The following SUGCT variants were observed in gnomAD, a reference collection of about 807,000 sequenced individuals.
SUGCT encodes succinyl-CoA:glutarate CoA-transferase.
SUGCT carries 41 observed loss-of-function variants against 55.0 expected under a neutral mutation model. The ratio of observed to expected loss-of-function variants is 0.74; its 90% CI spans 0.58 to 0.97. The LOEUF (loss-of-function observed/expected upper bound fraction) is 0.97. Ranked by LOEUF, SUGCT falls within the 50% of genes least tolerant of loss-of-function variation. The pLI is 0.00. For missense variants in SUGCT, 568 were observed against 547.8 expected, an observed-to-expected ratio of 1.04 and a Z score of -0.37; for synonymous variants, 187 against 200.4, an observed-to-expected ratio of 0.93 and a Z score of 0.56.
intron 1 of SUGCT, among the ~76,000 whole-genome samples, chr7:40,149,746 C>A (rs376379991): frequency 5.8e-4 from 89 of 152,206 alleles, no homozygotes; most frequent in Middle Eastern, 3.4e-3. Context: ...GGTGAAACCC[C>A]ATCTCTACTA....
intron 12 of SUGCT, among the ~76,000 whole-genome samples, chr7:40,710,178 A>G (rs928938265): frequency 2.6e-5 from 4 of 152,126 alleles, no homozygotes; most frequent in Non-Finnish European, 5.9e-5. Flanking sequence ...GACTGCATCT[A>G]TCTCTGGGTT....
chr7:40,582,673 G>A (rs1488160186), intron 12 of SUGCT, among the ~76,000 whole-genome samples: 1 of 152,078 alleles, frequency 6.6e-6, no homozygotes, highest in Non-Finnish European at 1.5e-5. Flanking sequence ...TTAGGTTGCT[G>A]GTGCAGAGCA....
intron 12 of SUGCT, among the ~76,000 whole-genome samples, chr7:40,624,586 G>A (rs941937627): frequency 6.6e-6 from 1 of 152,162 alleles, no homozygotes; most frequent in African/African-American, 2.4e-5. Context: ...ATTAACTAAT[G>A]TGCTGATAAG....
At chr7:40,900,599 TG>T in the SUGCT span, among the ~76,000 whole-genome samples, 1 of 152,204 alleles carries the variant, frequency 6.6e-6, no homozygotes, top group Non-Finnish European at 1.5e-5. Context: ...TGCCCAAGCC[TG>T]GGCTGGGGAG....
At chr7:40,758,452 G>C (rs905600290) in intron 13 of SUGCT, among the ~76,000 whole-genome samples, 2 of 152,094 alleles carry the variant, frequency 1.3e-5, no homozygotes, top group African/African-American at 4.8e-5. Context: ...TTAAAAAGAT[G>C]TTGGTGGAGA....
At chr7:40,323,058 C>T (rs1008615227) in intron 9 of SUGCT, among the ~76,000 whole-genome samples, 1 of 152,084 alleles carries the variant, frequency 6.6e-6, no homozygotes, top group African/African-American at 2.4e-5. Context: ...ACCAGAACTC[C>T]AAACCTTTTG....
chr7:40,772,057 A>G (rs565868931), intron 13 of SUGCT, among the ~76,000 whole-genome samples: 23 of 152,106 alleles, frequency 1.5e-4, no homozygotes, highest in Non-Finnish European at 2.8e-4. Context: ...TCCAAGCATA[A>G]TTATTAATAG....
the SUGCT span, among the ~76,000 whole-genome samples, chr7:41,034,026 A>G: frequency 1.9e-4 from 29 of 152,346 alleles, no homozygotes; most frequent in African/African-American, 5.8e-4. Context: ...GAACCTATCA[A>G]TGTTGTCCGT....
At chr7:40,758,004 T>C (rs1057203686) in intron 13 of SUGCT, among the ~76,000 whole-genome samples, 3 of 152,164 alleles carry the variant, frequency 2.0e-5, no homozygotes, top group African/African-American at 7.2e-5. Flanking sequence ...AAAACAAATA[T>C]CTTACAATAG....
intron 13 of SUGCT, among the ~76,000 whole-genome samples, chr7:40,762,400 TA>T (rs1332462371): frequency 6.6e-6 from 1 of 152,144 alleles, no homozygotes; most frequent in African/African-American, 2.4e-5. Context: ...GTATGACTAG[TA>T]GCGGTGACAG....
intron 13 of SUGCT, among the ~76,000 whole-genome samples, chr7:40,772,823 C>T (rs1158995889): frequency 2.0e-5 from 3 of 152,024 alleles, no homozygotes; most frequent in African/African-American, 7.3e-5. Context: ...CAGAGTTTCA[C>T]CATGTAGCCC....
intron 6 of SUGCT, among the ~76,000 whole-genome samples, chr7:40,233,579 AT>A: frequency 6.6e-6 from 1 of 152,142 alleles, no homozygotes; most frequent in East Asian, 1.9e-4. Context: ...AAATATCTTA[AT>A]TTTTATGGTT....
intron 10 of SUGCT, 91 bp downstream of exon 10, chr7:40,449,449 T>C: frequency 1.2e-6 from 1 of 845,328 alleles, no homozygotes; most frequent in African/African-American, 1.7e-5. Context: ...TTAGGCCCCC[T>C]GTGTTAGCAA....
At chr7:40,934,607 C>G in the SUGCT span, among the ~76,000 whole-genome samples, 2 of 152,200 alleles carry the variant, frequency 1.3e-5, no homozygotes, top group South Asian at 2.1e-4. Flanking sequence ...CCATTTTGAG[C>G]TTTCTGGCCT....
chr7:40,439,064 GTATATATATATATATATATA>G (rs1183426693), intron 9 of SUGCT, among the ~76,000 whole-genome samples: 2 of 27,190 alleles, frequency 7.4e-5, no homozygotes, highest in South Asian at 9.6e-4. Flanking sequence ...TATATATGGT[GTATATATATATATATATATA>G]TATATATATA....
intron 1 of SUGCT, chr7:40,153,690 A>G: frequency 2.0e-6 from 1 of 508,678 alleles, no homozygotes; most frequent in Non-Finnish European, 4.0e-6. Flanking sequence ...TTTTCACGTT[A>G]TATTCTGGTG....
intron 9 of SUGCT, among the ~76,000 whole-genome samples, chr7:40,328,232 T>A (rs1432758619): frequency 6.6e-6 from 1 of 152,220 alleles, no homozygotes; most frequent in Non-Finnish European, 1.5e-5. Flanking sequence ...GCAAATTTCC[T>A]TCAGAAATCA....
intron 11 of SUGCT, among the ~76,000 whole-genome samples, chr7:40,485,417 CTTTTTTTTTT>C (rs397889166): frequency 4.0e-5 from 3 of 74,446 alleles, no homozygotes; most frequent in African/African-American, 5.2e-5. Context: ...TATATACATT[CTTTTTTTTTT>C]TTTTTTTTTT....
intron 11 of SUGCT, among the ~76,000 whole-genome samples, chr7:40,473,088 CA>C (rs1329107680): frequency 6.6e-6 from 1 of 152,108 alleles, no homozygotes; most frequent in African/African-American, 2.4e-5. Context: ...TTGTGTATTA[CA>C]AAATGTTTCA....
Sources: gnomAD v4.1 joint callset for allele counts (sites outside exome capture counted in the v4.1 genomes callset) on GRCh38, gnomAD v4.1.1 for gene constraint, MANE v1.5 for transcripts, NCBI Gene and HGNC (gene_info 2026-07-23, HGNC 2026-07-21) for gene names.